CORO1C: variants seen among roughly 807,000 people sequenced by gnomAD.
CORO1C encodes the protein coronin 1C, also known as coronin-1C.
In CORO1C, 14 loss-of-function variants were observed where a neutral mutation model predicts 51.2. That is an observed-to-expected ratio of 0.27 (90% confidence interval 0.18 to 0.43). CORO1C has a LOEUF of 0.43. Ranked by LOEUF, CORO1C falls within the 20% of genes least tolerant of loss-of-function variation. The probability of loss-of-function intolerance (pLI) is 1.00; values close to 1 mark genes in which losing one functional copy is unlikely to be tolerated. For missense variants in CORO1C, 417 were observed against 607.8 expected (o/e 0.69, Z 3.30); for synonymous variants, 181 against 210.5 (o/e 0.86, Z 1.21).
chr12:108,647,266 CTG>C lies in CORO1C; in HGVS notation c.*135_*136del. On this transcript the variant is annotated 3_prime_UTR_variant, in exon 11 of 11. Coordinates refer to ENST00000261401, the MANE Select transcript of CORO1C (RefSeq NM_014325.4). The stretch of plus-strand genomic sequence containing the variant: ...GTTCTTACTGGAATGTGGCCTATCG[CTG>C]GTTGACAAATCTGAAATGGAATGTC... 1 of 748,892 alleles carries C rather than the reference CTG, an allele frequency of 1.3e-6. No individual in the cohort carries two copies. 46.4% of individuals were successfully genotyped at this position (748,892 alleles called of 1,614,324 possible). A position where few individuals can be genotyped will look rare whatever the true frequency, so the allele number is the denominator to read the frequency against.
At chr12:108,654,260 T>A in intron 7 of CORO1C, 46 bp downstream of exon 7, 1 of 1,204,480 alleles carries the variant, frequency 8.3e-7, no homozygotes, top group East Asian at 2.3e-5. Context: ...AGGATAAATG[T>A]TTCCACTTAC....
chr12:108,687,593 T>C (rs930998178), intron 2 of CORO1C, among the ~76,000 whole-genome samples: 9 of 152,068 alleles, frequency 5.9e-5, no homozygotes, highest in Admixed American at 1.3e-4. Flanking sequence ...GAGACCAGCC[T>C]GGCCAACATG....
At chr12:108,661,723 C>G (rs2033271852) in intron 4 of CORO1C, among the ~76,000 whole-genome samples, 1 of 152,098 alleles carries the variant, frequency 6.6e-6, no homozygotes, top group African/African-American at 2.4e-5. Flanking sequence ...TCTACCATAT[C>G]AGAAATAACC....
chr12:108,708,076 TCAAA>T (rs1468437811), intron 1 of CORO1C, among the ~76,000 whole-genome samples: 1 of 152,136 alleles, frequency 6.6e-6, no homozygotes, highest in Non-Finnish European at 1.5e-5. Flanking sequence ...TGAAAGTTCC[TCAAA>T]CAATTAAACA....
chr12:108,656,039 C>A (rs2032963365), intron 6 of CORO1C, among the ~76,000 whole-genome samples: 1 of 150,926 alleles, frequency 6.6e-6, no homozygotes, highest in African/African-American at 2.4e-5. Flanking sequence ...GGGACCCCGT[C>A]TGGGAGGTTA....
chr12:108,661,237 T>G (rs567373602), intron 4 of CORO1C, among the ~76,000 whole-genome samples: 4 of 152,230 alleles, frequency 2.6e-5, no homozygotes, highest in African/African-American at 4.8e-5. Context: ...CAATTTTAGA[T>G]AAAGGAAAAG....
chr12:108,693,190 T>A (rs1301403889), intron 2 of CORO1C, among the ~76,000 whole-genome samples: 1 of 152,100 alleles, frequency 6.6e-6, no homozygotes, highest in East Asian at 1.9e-4. Flanking sequence ...ACAAATCAAA[T>A]AAGGACTCAG....
At chr12:108,712,913 TAAAA>T (rs142742201) in intron 1 of CORO1C, among the ~76,000 whole-genome samples, 6 of 128,070 alleles carry the variant, frequency 4.7e-5, no homozygotes, top group African/African-American at 1.2e-4. Flanking sequence ...CATGTCTCTT[TAAAA>T]AAAAAAAAAA....
At chr12:108,654,031 C>T (rs916672530) in intron 7 of CORO1C, among the ~76,000 whole-genome samples, 6 of 152,134 alleles carry the variant, frequency 3.9e-5, no homozygotes, top group South Asian at 2.1e-4. Flanking sequence ...TTCACAAGAG[C>T]GCCCTGATTG....
rs1033699247 is a variant in CORO1C at position 108,722,537 on chromosome 12, C to T, written c.-6+8892G>A. Among the ~76,000 whole-genome samples, 11 of 152,162 alleles carry T rather than the reference C, an allele frequency of 7.2e-5. 1 individual carries two copies. Among genetic ancestry groups the T allele is most frequent in the Admixed American group, 5.2e-4 (8 of 15,270 alleles). Reference sequence around the variant, plus strand: ...CCCAAGATCCAGAATTCCACTATCACCATAAACAATTTCAAAAACTGCTGT... The same window carrying T: ...CCCAAGATCCAGAATTCCACTATCATCATAAACAATTTCAAAAACTGCTGT... On this transcript the variant is annotated intron_variant, in intron 1 of 10. Transcript: ENST00000261401.
At chr12:108,683,819 C>T (rs1366882069) in intron 2 of CORO1C, among the ~76,000 whole-genome samples, 1 of 152,044 alleles carries the variant, frequency 6.6e-6, no homozygotes, top group East Asian at 1.9e-4. Flanking sequence ...TGAGTGTCAC[C>T]AAATATTCAA....
intron 3 of CORO1C, among the ~76,000 whole-genome samples, chr12:108,664,813 G>A (rs922244748): frequency 6.6e-6 from 1 of 152,216 alleles, no homozygotes; most frequent in Admixed American, 6.5e-5. Context: ...TGAATATAAA[G>A]CAGGACTGAC....
Position 108,658,659 on chromosome 12 carries a change from G to T in CORO1C, c.630+79C>A. ...CAACAGGGTCCCACTGACCAGTACC[G>T]CTGCCTGCCTTAAAAAGCAGAAAGC... On this transcript the variant is annotated intron_variant, in intron 5 of 10. Transcript: ENST00000261401. The surrounding 1 kb of genome is among the most constrained non-coding windows in gnomAD (Gnocchi z 4.9). 1 of 1,459,838 alleles carries T rather than the reference G, an allele frequency of 6.9e-7. No individual in the cohort carries two copies. Among genetic ancestry groups the T allele is most frequent in the Non-Finnish European group, 9.5e-7 (1 of 1,056,018 alleles). 90.4% of individuals were successfully genotyped at this position (1,459,838 alleles called of 1,614,324 possible).
At chr12:108,684,769 CAT>C (rs2034240768) in intron 2 of CORO1C, among the ~76,000 whole-genome samples, 2 of 151,798 alleles carry the variant, frequency 1.3e-5, no homozygotes, top group African/African-American at 4.8e-5. Context: ...CTTGTGAGTA[CAT>C]GTGTGTCCTA....
intron 2 of CORO1C, among the ~76,000 whole-genome samples, chr12:108,700,263 C>T (rs1565929053): frequency 6.6e-6 from 1 of 152,174 alleles, no homozygotes; most frequent in Non-Finnish European, 1.5e-5. Context: ...TCAGGACTCA[C>T]CAAACTCATT....
chr12:108,655,417 G>A (rs962737747), intron 6 of CORO1C, among the ~76,000 whole-genome samples: 1 of 94,218 alleles, frequency 1.1e-5, no homozygotes, highest in African/African-American at 4.2e-5. Flanking sequence ...CTCTTTCCAC[G>A]CTCTCCCTCT....
intron 2 of CORO1C, among the ~76,000 whole-genome samples, chr12:108,688,418 C>A (rs1406446963): frequency 6.6e-6 from 1 of 152,212 alleles, no homozygotes; most frequent in African/African-American, 2.4e-5. Context: ...TGGTGTATTA[C>A]ACATGTACCG....
intron 2 of CORO1C, among the ~76,000 whole-genome samples, chr12:108,694,659 T>A (rs1346027818): frequency 6.6e-6 from 1 of 152,202 alleles, no homozygotes; most frequent in Non-Finnish European, 1.5e-5. Context: ...TTAGGTTATA[T>A]GAAGGTACCA....
intron 3 of CORO1C, among the ~76,000 whole-genome samples, chr12:108,677,332 A>G (rs1433474589): frequency 6.6e-6 from 1 of 152,256 alleles, no homozygotes; most frequent in Non-Finnish European, 1.5e-5. Flanking sequence ...ATCATATTAA[A>G]AAGTATTCCA....
Sources: gnomAD v4.1 joint callset for allele counts (sites outside exome capture counted in the v4.1 genomes callset) on GRCh38, gnomAD v4.1.1 for gene constraint, Gnocchi (gnomAD v3.1) non-coding constraint, MANE v1.5 for transcripts, NCBI Gene and HGNC (gene_info 2026-07-23, HGNC 2026-07-21) for gene names.